PRPF39: variants seen among roughly 807,000 people sequenced by gnomAD.
The protein encoded by PRPF39 is pre-mRNA processing factor 39.
Under a neutral mutation model 82.1 loss-of-function variants are expected in PRPF39, and 27 were observed. The ratio of observed to expected loss-of-function variants is 0.33; its 90% CI spans 0.24 to 0.45. The LOEUF is 0.45. Among genes scored for constraint, PRPF39 ranks in the 20% least tolerant of loss-of-function variants. The pLI, the probability that PRPF39 is intolerant of heterozygous loss-of-function variation, is 1.00. For missense variants in PRPF39, 581 were observed against 796.9 expected, an observed-to-expected ratio of 0.73 and a Z score of 3.26; for synonymous variants, 261 against 256.4, an observed-to-expected ratio of 1.02 and a Z score of -0.17.
intron 1 of PRPF39, among the ~76,000 whole-genome samples, chr14:45,088,898 TTTTTCTATTCTA>T (rs1197022333): frequency 6.6e-6 from 1 of 152,198 alleles, no homozygotes; most frequent in Non-Finnish European, 1.5e-5. Flanking sequence ...TGCTAAAATT[TTTTTCTATTCTA>T]TTTTCCATTT....
rs563868380 is a variant in PRPF39 at position 45,099,779 on chromosome 14, T to C, written c.570-2750T>C. Reference sequence around the variant, plus strand: ...ATATCCAAGAATCTTTCTTGTTCTCTGAGTGTTCCTTTTTTTATACTCTCC... The same window carrying C: ...ATATCCAAGAATCTTTCTTGTTCTCCGAGTGTTCCTTTTTTTATACTCTCC... On this transcript the variant is annotated intron_variant, in intron 4 of 13. Transcript: ENST00000355765. 1.2e-3 allele frequency among the ~76,000 whole-genome samples: 183 copies of C among 152,322 alleles called. 1 individual carries two copies. Among genetic ancestry groups the C allele is most frequent in the African/African-American group, 4.2e-3 (176 of 41,572 alleles).
At chr14:45,089,114 TTGTC>T (rs1289459518) in intron 1 of PRPF39, among the ~76,000 whole-genome samples, 21 of 152,234 alleles carry the variant, frequency 1.4e-4, no homozygotes, top group Non-Finnish European at 2.2e-4. Context: ...GTAGTCCTAT[TTGTC>T]TGTTTTTGCT....
intron 4 of PRPF39, among the ~76,000 whole-genome samples, chr14:45,097,222 G>A (rs1173861042): frequency 6.6e-6 from 1 of 151,976 alleles, no homozygotes; most frequent in Non-Finnish European, 1.5e-5. Flanking sequence ...CACTCCTCAA[G>A]GTTAATAGCT....
intron 5 of PRPF39, among the ~76,000 whole-genome samples, chr14:45,103,821 G>A (rs1486977352): frequency 1.3e-5 from 2 of 152,090 alleles, no homozygotes; most frequent in Non-Finnish European, 2.9e-5. Context: ...GGGCCAAAGA[G>A]GGTGTCTTTT....
chr14:45,094,279 A>G (rs1300371880), intron 1 of PRPF39, among the ~76,000 whole-genome samples: 2 of 152,212 alleles, frequency 1.3e-5, no homozygotes, highest in Non-Finnish European at 2.9e-5. Flanking sequence ...GATGAAGGTA[A>G]TTATGAAAAT....
intron 5 of PRPF39, among the ~76,000 whole-genome samples, chr14:45,104,480 C>T (rs1474249722): frequency 6.6e-6 from 1 of 151,806 alleles, no homozygotes; most frequent in Non-Finnish European, 1.5e-5. Context: ...ATTTATTTAG[C>T]ATTTGCTGTG....
At chr14:45,114,466 A>AC (rs1307994281) in intron 12 of PRPF39, 28 bp from the exon 13 acceptor site, 20 of 1,537,440 alleles carry the variant, frequency 1.3e-5, no homozygotes, top group Non-Finnish European at 1.7e-5. Context: ...GGGAGTTTTG[A>AC]AAGTTTCCAT....
chr14:45,100,887 G>A (rs570631778), intron 4 of PRPF39, among the ~76,000 whole-genome samples: 5 of 152,030 alleles, frequency 3.3e-5, no homozygotes, highest in Non-Finnish European at 5.9e-5. Flanking sequence ...TATAAATCCT[G>A]TATTTTGTTC....
At chr14:45,085,778 A>G (rs1342325836) in intron 1 of PRPF39, among the ~76,000 whole-genome samples, 1 of 152,152 alleles carries the variant, frequency 6.6e-6, no homozygotes, top group African/African-American at 2.4e-5. Context: ...TGCCTTGTGG[A>G]TGAGATTTGC....
intron 2 of PRPF39, 118 bp from the exon 3 acceptor site, chr14:45,095,985 G>C: frequency 1.1e-6 from 1 of 895,432 alleles, no homozygotes; most frequent in Non-Finnish European, 1.6e-6. Flanking sequence ...CCTGCATGTG[G>C]AGTTTTTAAG....
chr14:45,089,220 A>G (rs187092881), intron 1 of PRPF39, among the ~76,000 whole-genome samples: 31 of 152,262 alleles, frequency 2.0e-4, no homozygotes, highest in Non-Finnish European at 3.2e-4. Flanking sequence ...TAGGAATTTT[A>G]TAGTTTTAGG....
rs1884668424 is a variant in PRPF39 at position 45,110,502 on chromosome 14, T to C, written c.1304-47T>C. Reference sequence around the variant, plus strand: ...TGCCAGTATCTGGTTATAAACGTTATTTTGGTTGTTTAAACCAAAGCATAA... The same window carrying C: ...TGCCAGTATCTGGTTATAAACGTTACTTTGGTTGTTTAAACCAAAGCATAA... On this transcript the variant is annotated intron_variant, in intron 9 of 13. Transcript: ENST00000355765. The surrounding 1 kb of genome is among the most constrained non-coding windows in gnomAD (Gnocchi z 4.0). 6.6e-7 allele frequency: 1 copy of C among 1,506,784 alleles called. No homozygotes were observed. The allele number at this position is 1,506,784 out of a possible 1,614,324, so 93.3% of individuals were successfully genotyped here.
chr14:45,094,765 T>G lies in PRPF39; in HGVS notation c.-19-456T>G, dbSNP rs117386377. Among the ~76,000 whole-genome samples the G allele has an allele frequency of 7.9e-5, 12 of 152,340 alleles. No homozygotes were observed. In the East Asian group the frequency reaches 2.3e-3, roughly 29 times the overall value. On this transcript the variant is annotated intron_variant, in intron 1 of 13. Coordinates refer to ENST00000355765, the MANE Select transcript of PRPF39 (RefSeq NM_017922.4). Reference sequence around the variant, plus strand: ...CTGAGCCAAGTGATGAGCTTCCTTTTGAAATGTTTATACCCATGACCAGAA... The same window carrying G: ...CTGAGCCAAGTGATGAGCTTCCTTTGGAAATGTTTATACCCATGACCAGAA...
At chr14:45,105,167 A>G (rs1172316306) in intron 5 of PRPF39, among the ~76,000 whole-genome samples, 1 of 152,202 alleles carries the variant, frequency 6.6e-6, no homozygotes. Context: ...TTAGCTTTAT[A>G]ATACAAAAAA....
At chr14:45,093,157 A>T (rs1238702013) in intron 1 of PRPF39, among the ~76,000 whole-genome samples, 1 of 152,028 alleles carries the variant, frequency 6.6e-6, no homozygotes, top group Non-Finnish European at 1.5e-5. Flanking sequence ...TCTATAATGG[A>T]TATTTTTCTG....
intron 5 of PRPF39, 109 bp from the exon 6 acceptor site, chr14:45,107,342 G>A (rs1246984463): frequency 1.3e-6 from 1 of 778,522 alleles, no homozygotes; most frequent in Non-Finnish European, 2.0e-6. Flanking sequence ...ATGATATTTT[G>A]GTTTCTTTTT....
chr14:45,103,553 A>G (rs1884440106), intron 5 of PRPF39, among the ~76,000 whole-genome samples: 1 of 152,040 alleles, frequency 6.6e-6, no homozygotes, highest in African/African-American at 2.4e-5. Context: ...GAAGACTTTT[A>G]TGAAGCATTT....
chr14:45,110,190 A>C lies in PRPF39; in HGVS notation c.1273A>C (p.Met425Leu). Residue 425 changes from methionine to leucine, a missense_variant, in exon 9 of 14, where the codon ATG becomes CTG. Met to Leu is a conservative substitution (Grantham distance 15). Transcript: ENST00000355765. This position sits in a 1 kb window ranked among gnomAD's most constrained non-coding sequence, Gnocchi z 4.0. The stretch of plus-strand genomic sequence containing the variant: ...TCTCCCAAAGAAACCCATGGTGCAT[A>C]TGCTTTGGGCAGCTTTTGAGGAACA... ...IHLPKKPMVH[M>L]LWAAFEEQQG... 1 of 1,613,906 alleles carries C rather than the reference A, an allele frequency of 6.2e-7. No homozygotes were observed. Among genetic ancestry groups the C allele is most frequent in the Admixed American group, 1.7e-5 (1 of 60,020 alleles).
In PRPF39 at chr14:45,110,544, T is replaced by C; in HGVS notation, c.1304-5T>C. On this transcript the variant is annotated splice_region_variant and splice_polypyrimidine_tract_variant and intron_variant, in intron 9 of 13. Transcript: ENST00000355765. The surrounding 1 kb of genome is among the most constrained non-coding windows in gnomAD (Gnocchi z 4.0). Reference sequence around the variant, plus strand: ...AAAGCATAAACATTTAATTACTGTTTCTAGGTAATATTAATGAAGCCAGGA... The same window carrying C: ...AAAGCATAAACATTTAATTACTGTTCCTAGGTAATATTAATGAAGCCAGGA... 1 of 1,553,088 alleles carries C rather than the reference T, an allele frequency of 6.4e-7. No individual in the cohort carries two copies. Among genetic ancestry groups the C allele is most frequent in the Non-Finnish European group, 8.7e-7 (1 of 1,146,672 alleles).
Sources: allele counts gnomAD v4.1 joint callset (sites outside exome capture counted in the v4.1 genomes callset), GRCh38; gene constraint gnomAD v4.1.1; non-coding constraint Gnocchi (gnomAD v3.1); transcripts MANE v1.5; gene names NCBI Gene and HGNC (gene_info 2026-07-23, HGNC 2026-07-21).